Variants in PCDHGB3 observed in about 807,000 individuals in gnomAD.
PCDHGB3 encodes the protein protocadherin gamma-B3.
A neutral mutation model predicts 59.2 loss-of-function variants in PCDHGB3; 40 were observed. That is an observed-to-expected ratio of 0.68 (90% confidence interval 0.52 to 0.88). The LOEUF (loss-of-function observed/expected upper bound fraction) is 0.88, where lower values mean the gene tolerates loss of function less well. Ranked by LOEUF, PCDHGB3 falls within the 40% of genes least tolerant of loss-of-function variation. The probability of loss-of-function intolerance (pLI) is 0.00; values close to 1 mark genes in which losing one functional copy is unlikely to be tolerated. For missense variants in PCDHGB3, 1,309 were observed against 1,187.9 expected, an observed-to-expected ratio of 1.10 and a Z score of -1.50; for synonymous variants, 581 against 503.6, an observed-to-expected ratio of 1.15 and a Z score of -2.06.
At chr5:141,473,283 A>G (rs2099318531) in intron 1 of PCDHGB3, among the ~76,000 whole-genome samples, 1 of 152,324 alleles carries the variant, frequency 6.6e-6, no homozygotes, top group Non-Finnish European at 1.5e-5. Flanking sequence ...TTATTTTACT[A>G]TGTCAGTAGC....
rs1221067458 is a variant in PCDHGB3 at position 141,491,658 on chromosome 5, C to T, written c.2416-3149C>T. The T allele has an allele frequency of 3.1e-6, 5 of 1,613,822 alleles. No individual in the cohort carries two copies. The highest frequency in any genetic ancestry group is 2.2e-5 in the South Asian group (2 of 91,088). Reference sequence around the variant, plus strand: ...CCACAGCTCTGGCGCTGGAGCCTGACGCCATCCGGTCCCGCTCTAATACGC... The same window carrying T: ...CCACAGCTCTGGCGCTGGAGCCTGATGCCATCCGGTCCCGCTCTAATACGC... On this transcript the variant is annotated intron_variant, in intron 1 of 3. Coordinates refer to ENST00000576222, the MANE Select transcript of PCDHGB3 (RefSeq NM_018924.5). The surrounding 1 kb of genome is among the most constrained non-coding windows in gnomAD (Gnocchi z 6.9).
At position 141,432,252 on chromosome 5, in the gene PCDHGB3, G is replaced by A. The variant is rs749107567; in HGVS notation, c.2415+59443G>A. 3.7e-6 allele frequency: 6 copies of A among 1,614,220 alleles called. No homozygotes were observed. The highest frequency in any genetic ancestry group is 5.1e-6 in the Non-Finnish European group (6 of 1,180,042). ...TCCCTGGCTGAGAACACCATCCAAG[G>A]GGCAAGCCTATCGTCCTACGTGTCC... On this transcript the variant is annotated intron_variant, in intron 1 of 3. Coordinates refer to ENST00000576222, the MANE Select transcript of PCDHGB3 (RefSeq NM_018924.5). The surrounding 1 kb of genome is among the most constrained non-coding windows in gnomAD (Gnocchi z 6.0).
In PCDHGB3 at chr5:141,392,927, G is replaced by C. The variant is rs758960557; in HGVS notation, c.2415+20118G>C. The C allele has an allele frequency of 5.6e-6, 9 of 1,613,832 alleles. No homozygotes were observed. In the East Asian group the frequency reaches 2.0e-4, roughly 36 times the overall value. On this transcript the variant is annotated intron_variant, in intron 1 of 3. Coordinates refer to ENST00000576222, the MANE Select transcript of PCDHGB3 (RefSeq NM_018924.5). Reference sequence around the variant, plus strand: ...AGATTCGCTACTCTGTGCCAGAAGAGACGGACAAAGGCTCCTTCGTGGGTA... The same window carrying C: ...AGATTCGCTACTCTGTGCCAGAAGACACGGACAAAGGCTCCTTCGTGGGTA...
rs561451935 is a variant in PCDHGB3 at position 141,423,179 on chromosome 5, G to A, written c.2415+50370G>A. 21 of 1,613,516 alleles carry A rather than the reference G, an allele frequency of 1.3e-5. No individual in the cohort carries two copies. The South Asian group carries it at 2.1e-4, about 16-fold the overall frequency. ...CTCGTGGTGGCCGTCCAGGACCACG[G>A]CCAGCCCCCTCTCTCGGCCACCGTC... On this transcript the variant is annotated intron_variant, in intron 1 of 3. Transcript: ENST00000576222.
intron 1 of PCDHGB3, among the ~76,000 whole-genome samples, chr5:141,482,048 G>A (rs375214441): frequency 1.3e-5 from 2 of 150,044 alleles, no homozygotes; most frequent in Non-Finnish European, 2.9e-5. Flanking sequence ...TCATGCTGTT[G>A]CATTCCAGCC....
At chr5:141,465,229 A>G (rs1010075158) in intron 1 of PCDHGB3, among the ~76,000 whole-genome samples, 6 of 152,208 alleles carry the variant, frequency 3.9e-5, no homozygotes, top group Non-Finnish European at 2.9e-5. Flanking sequence ...CATGAGCTCC[A>G]TCAAGTTCAA....
At chr5:141,375,244 G>A (rs527726605) in intron 1 of PCDHGB3, 1 of 1,613,890 alleles carries the variant, frequency 6.2e-7, no homozygotes, top group Admixed American at 1.7e-5. Context: ...GTTCCATCCC[G>A]AGAAGTCTCC....
chr5:141,472,556 T>A (rs2099287889), intron 1 of PCDHGB3, among the ~76,000 whole-genome samples: 1 of 151,628 alleles, frequency 6.6e-6, no homozygotes, highest in South Asian at 2.1e-4. Flanking sequence ...AAAAAAATTA[T>A]ATTATAAATG....
At chr5:141,403,724 G>A (rs373210176) in intron 1 of PCDHGB3, 2 of 1,613,924 alleles carry the variant, frequency 1.2e-6, no homozygotes, top group Non-Finnish European at 1.7e-6. Flanking sequence ...CGTGCCCCCA[G>A]GCACCTGGCT....
At position 141,377,829 on chromosome 5, in the gene PCDHGB3, C is replaced by A. The variant is rs970459356; in HGVS notation, c.2415+5020C>A. On this transcript the variant is annotated intron_variant, in intron 1 of 3. Transcript: ENST00000576222. ...GTTATTTACTTGGGCCAGTTACAAT[C>A]GCCATTATCTTCCAATTAAAATTAA... 4 of 152,110 alleles carry A rather than the reference C, an allele frequency of 2.6e-5. No individual in the cohort carries two copies. In the South Asian group the frequency reaches 6.2e-4, roughly 24 times the overall value. The allele number at this position is 152,110 out of a possible 1,614,324, so 9.4% of individuals were successfully genotyped here.
Position 141,487,413 on chromosome 5 carries a change from A to G in PCDHGB3, c.2416-7394A>G, listed in dbSNP as rs1562119204. The G allele has an allele frequency of 1.2e-6, 2 of 1,614,172 alleles. No homozygotes were observed. The highest frequency in any genetic ancestry group is 2.2e-5 in the East Asian group (1 of 44,862). ...AGGAGGGAGGGGCTTCCCCCTTCCA[A>G]TGGGATCCTCCGAATCCAGCTAGGG... On this transcript the variant is annotated intron_variant, in intron 1 of 3. Coordinates refer to ENST00000576222, the MANE Select transcript of PCDHGB3 (RefSeq NM_018924.5). This position sits in a 1 kb window ranked among gnomAD's most constrained non-coding sequence, Gnocchi z 5.0.
In PCDHGB3 at chr5:141,374,652, A is replaced by C. The variant is rs947408708; in HGVS notation, c.2415+1843A>C. Reference sequence around the variant, plus strand: ...GTGCAAAGCGAAGCCCATGGGCCCAAGTACCCGGAGCTGGTGCTGGAGGGC... The same window carrying C: ...GTGCAAAGCGAAGCCCATGGGCCCACGTACCCGGAGCTGGTGCTGGAGGGC... On this transcript the variant is annotated intron_variant, in intron 1 of 3. Coordinates refer to ENST00000576222, the MANE Select transcript of PCDHGB3 (RefSeq NM_018924.5). 1.2e-6 allele frequency: 2 copies of C among 1,612,302 alleles called. No homozygotes were observed.
rs757333940 is a variant in PCDHGB3, at chr5:141,404,777, T to A, written c.2415+31968T>A. The A allele has an allele frequency of 7.4e-6, 12 of 1,613,404 alleles. 1 individual carries two copies. In the South Asian group the frequency reaches 1.3e-4, roughly 18 times the overall value. ...GAATGCTTGGCTCTCCTACCGCCTA[T>A]TCAAGGCCAGTGAGCCAGGGCTCTT... On this transcript the variant is annotated intron_variant, in intron 1 of 3. Transcript: ENST00000576222.
intron 1 of PCDHGB3, chr5:141,405,038 G>C: frequency 6.2e-7 from 1 of 1,613,964 alleles, no homozygotes; most frequent in Non-Finnish European, 8.5e-7. Context: ...CCTCGTTGTG[G>C]CTGTGGCAGT....
chr5:141,489,222 A>C lies in PCDHGB3; in HGVS notation c.2416-5585A>C. On this transcript the variant is annotated intron_variant, in intron 1 of 3. Coordinates refer to ENST00000576222, the MANE Select transcript of PCDHGB3 (RefSeq NM_018924.5). The surrounding 1 kb of genome is among the most constrained non-coding windows in gnomAD (Gnocchi z 4.5). ...ACAGGACAGCACAGACTTACTCTCC[A>C]CAAAGGGACTTCTGGGTCATGGGGC... 6.6e-7 allele frequency: 1 copy of C among 1,515,652 alleles called. No individual in the cohort carries two copies. Among genetic ancestry groups the C allele is most frequent in the Middle Eastern group, 1.8e-4 (1 of 5,598 alleles). 93.9% of individuals were successfully genotyped at this position (1,515,652 alleles called of 1,614,324 possible).
intron 2 of PCDHGB3, among the ~76,000 whole-genome samples, chr5:141,498,309 G>A (rs2099783046): frequency 6.6e-6 from 1 of 151,844 alleles, no homozygotes; most frequent in Non-Finnish European, 1.5e-5. Flanking sequence ...GGGTCACACT[G>A]CCTACACAGA....
intron 1 of PCDHGB3, among the ~76,000 whole-genome samples, chr5:141,464,077 C>T (rs891173261): frequency 1.3e-5 from 2 of 151,950 alleles, no homozygotes; most frequent in African/African-American, 4.8e-5. Context: ...CCAGCCTGGC[C>T]AACATGGTGA....
At chr5:141,414,567 T>C in intron 1 of PCDHGB3, 1 of 1,613,962 alleles carries the variant, frequency 6.2e-7, no homozygotes, top group Non-Finnish European at 8.5e-7. Context: ...ACTTTACCTA[T>C]ATCCCAGAGA....
intron 1 of PCDHGB3, chr5:141,375,475 C>G (rs774489564): frequency 1.9e-6 from 3 of 1,613,884 alleles, no homozygotes; most frequent in Non-Finnish European, 2.5e-6. Context: ...TCCTTGAAAA[C>G]AACCCCAGGG....
Sources: gnomAD v4.1 joint callset for allele counts (sites outside exome capture counted in the v4.1 genomes callset) on GRCh38, gnomAD v4.1.1 for gene constraint, Gnocchi (gnomAD v3.1) non-coding constraint, MANE v1.5 for transcripts, NCBI Gene and HGNC (gene_info 2026-07-23, HGNC 2026-07-21) for gene names.